Variants in RGS7 observed in about 807,000 individuals in gnomAD.
The protein encoded by RGS7 is regulator of G protein signaling 7.
RGS7 carries 27 observed loss-of-function variants against 81.1 expected under a neutral mutation model. The ratio of observed to expected loss-of-function variants is 0.33; its 90% CI spans 0.25 to 0.46. The LOEUF (loss-of-function observed/expected upper bound fraction) is 0.46. Among genes scored for constraint, RGS7 ranks in the 20% least tolerant of loss-of-function variants. The pLI is 1.00. For synonymous variants in RGS7, 208 were observed against 207.7 expected (o/e 1.00, Z -0.01); for missense variants, 396 against 607.4 (o/e 0.65, Z 3.66).
chr1:240,991,138 A>C (rs1394512919), intron 3 of RGS7, among the ~76,000 whole-genome samples: 1 of 152,222 alleles, frequency 6.6e-6, no homozygotes, highest in East Asian at 1.9e-4. Context: ...ATGAAAACAA[A>C]TTAGAGTTCT....
intron 2 of RGS7, among the ~76,000 whole-genome samples, chr1:241,338,163 A>C (rs753542930): frequency 2.0e-5 from 3 of 152,146 alleles, no homozygotes; most frequent in Non-Finnish European, 4.4e-5. Flanking sequence ...TGCTTATTTG[A>C]CTCTGTTAAA....
At chr1:240,980,024 T>G (rs1684689752) in intron 4 of RGS7, among the ~76,000 whole-genome samples, 1 of 152,158 alleles carries the variant, frequency 6.6e-6, no homozygotes. Flanking sequence ...CATTTTAGAC[T>G]AATTCCATAT....
chr1:240,959,349 G>C (rs1680969465), intron 4 of RGS7, among the ~76,000 whole-genome samples: 1 of 152,120 alleles, frequency 6.6e-6, no homozygotes, highest in Non-Finnish European at 1.5e-5. Flanking sequence ...AACCTAGATG[G>C]CACAGCCTAC....
At chr1:240,820,287 C>A (rs1051288846) in intron 10 of RGS7, among the ~76,000 whole-genome samples, 1 of 152,118 alleles carries the variant, frequency 6.6e-6, no homozygotes, top group South Asian at 2.1e-4. Context: ...ATTTGCAATG[C>A]TTTGGCTTGA....
intron 5 of RGS7, among the ~76,000 whole-genome samples, chr1:240,932,712 G>T (rs1675707284): frequency 6.6e-6 from 1 of 150,578 alleles, no homozygotes; most frequent in East Asian, 2.0e-4. Flanking sequence ...GTTTCACCGT[G>T]TTAGCCAGGA....
chr1:241,121,710 CTTTTT>C (rs10681773), intron 2 of RGS7, among the ~76,000 whole-genome samples: 3 of 66,404 alleles, frequency 4.5e-5, no homozygotes, highest in African/African-American at 1.3e-4. Flanking sequence ...TGCAATTGTT[CTTTTT>C]TTTTTTTTTT....
intron 18 of RGS7, among the ~76,000 whole-genome samples, chr1:240,780,751 T>C (rs1415163051): frequency 1.3e-5 from 2 of 151,544 alleles, no homozygotes; most frequent in Admixed American, 6.6e-5. Context: ...CCATCTCTAC[T>C]AAAAATACAA....
At chr1:240,904,471 T>C (rs1274863371) in intron 6 of RGS7, among the ~76,000 whole-genome samples, 1 of 152,250 alleles carries the variant, frequency 6.6e-6, no homozygotes, top group Non-Finnish European at 1.5e-5. Flanking sequence ...ATATGTTTTG[T>C]ATTTTTATTG....
intron 2 of RGS7, among the ~76,000 whole-genome samples, chr1:241,272,177 T>C (rs1025725282): frequency 6.6e-6 from 1 of 151,930 alleles, no homozygotes; most frequent in African/African-American, 2.4e-5. Flanking sequence ...GTATTTTTAG[T>C]AGAGATGGGG....
chr1:240,931,685 A>G, intron 5 of RGS7, among the ~76,000 whole-genome samples: 1 of 152,136 alleles, frequency 6.6e-6, no homozygotes, highest in East Asian at 1.9e-4. Context: ...TGCACAAATC[A>G]GAGATTTTTT....
intron 2 of RGS7, among the ~76,000 whole-genome samples, chr1:241,222,818 C>A (rs2075090930): frequency 1.3e-5 from 2 of 151,074 alleles, no homozygotes; most frequent in Non-Finnish European, 2.9e-5. Flanking sequence ...ACCCCCAGCC[C>A]CCCACCCCCT....
intron 9 of RGS7, among the ~76,000 whole-genome samples, chr1:240,833,993 C>T (rs1694273837): frequency 6.6e-6 from 1 of 152,170 alleles, no homozygotes. Context: ...TGCTCCGTTG[C>T]CCAGGCTGGT....
intron 2 of RGS7, among the ~76,000 whole-genome samples, chr1:241,125,853 A>G (rs974667920): frequency 7.2e-5 from 11 of 152,132 alleles, no homozygotes; most frequent in African/African-American, 2.7e-4. Context: ...CCTCTTAGGA[A>G]CTGAAAGTGC....
chr1:240,871,954 T>C (rs1558389655), intron 6 of RGS7, among the ~76,000 whole-genome samples: 1 of 152,166 alleles, frequency 6.6e-6, no homozygotes, highest in Non-Finnish European at 1.5e-5. Context: ...ATCTTTATTA[T>C]TTGCAAAATC....
At chr1:241,126,495 C>T (rs144645104) in intron 2 of RGS7, among the ~76,000 whole-genome samples, 2 of 152,138 alleles carry the variant, frequency 1.3e-5, no homozygotes, top group African/African-American at 4.8e-5. Flanking sequence ...GTTCATGCAA[C>T]GGGCTCTAGA....
intron 18 of RGS7, among the ~76,000 whole-genome samples, chr1:240,784,111 C>G (rs548850275): frequency 2.0e-5 from 3 of 149,906 alleles, no homozygotes; most frequent in African/African-American, 7.4e-5. Flanking sequence ...CACTTGAACC[C>G]GGGAGGTGGA....
chr1:241,064,515 G>C (rs534260392), intron 3 of RGS7, among the ~76,000 whole-genome samples: 7 of 151,980 alleles, frequency 4.6e-5, no homozygotes, highest in Admixed American at 3.3e-4. Context: ...CTTGAGCCAG[G>C]GAGGTCAAGG....
At chr1:240,798,474 C>T (rs892007179) in intron 18 of RGS7, among the ~76,000 whole-genome samples, 4 of 152,056 alleles carry the variant, frequency 2.6e-5, no homozygotes, top group African/African-American at 9.7e-5. Context: ...AGGTGGGTAT[C>T]ATCAGGTGGC....
intron 2 of RGS7, among the ~76,000 whole-genome samples, chr1:241,285,406 A>G (rs776332566): frequency 1.1e-4 from 16 of 152,010 alleles, no homozygotes; most frequent in Non-Finnish European, 1.9e-4. Flanking sequence ...GCCTCCCTAC[A>G]TTTGTTTTAT....
Sources: gnomAD v4.1 joint callset for allele counts (sites outside exome capture counted in the v4.1 genomes callset) on GRCh38, gnomAD v4.1.1 for gene constraint, MANE v1.5 for transcripts, NCBI Gene and HGNC (gene_info 2026-07-23, HGNC 2026-07-21) for gene names.